LDB2: variants seen among roughly 807,000 people sequenced by gnomAD.
LDB2 encodes LIM domain-binding protein 2.
In LDB2, 12 loss-of-function variants were observed where a neutral mutation model predicts 44.3. That is an observed-to-expected ratio of 0.27 (90% CI 0.17 to 0.44). The LOEUF (loss-of-function observed/expected upper bound fraction) is 0.44, where lower values mean the gene tolerates loss of function less well. Ranked by LOEUF, LDB2 falls within the 20% of genes least tolerant of loss-of-function variation. The pLI is 1.00. For synonymous variants in LDB2, 164 were observed against 174.8 expected (o/e 0.94, Z 0.49); for missense variants, 344 against 473.5 (o/e 0.73, Z 2.54).
chr4:16,831,425 C>A (rs1053746705), intron 1 of LDB2, among the ~76,000 whole-genome samples: 8 of 152,014 alleles, frequency 5.3e-5, no homozygotes, highest in African/African-American at 1.9e-4. Context: ...ATGATCTGAC[C>A]TACATTTTCA....
chr4:16,747,693 T>A (rs1764670273), intron 2 of LDB2, among the ~76,000 whole-genome samples: 1 of 152,156 alleles, frequency 6.6e-6, no homozygotes, highest in East Asian at 1.9e-4. Context: ...AAAGCTTGAA[T>A]TAATTCTGAA....
chr4:16,588,313 A>G (rs1169370508), intron 4 of LDB2, among the ~76,000 whole-genome samples: 1 of 152,158 alleles, frequency 6.6e-6, no homozygotes, highest in Non-Finnish European at 1.5e-5. Flanking sequence ...AGATGGTTCT[A>G]ATCAAAACTG....
intron 1 of LDB2, among the ~76,000 whole-genome samples, chr4:16,875,372 A>G (rs1324465655): frequency 6.6e-6 from 1 of 152,234 alleles, no homozygotes; most frequent in Non-Finnish European, 1.5e-5. Flanking sequence ...GCTACTGGAT[A>G]AAAAGCAGAT....
chr4:16,742,268 C>T (rs1763447685), intron 2 of LDB2, among the ~76,000 whole-genome samples: 1 of 152,044 alleles, frequency 6.6e-6, no homozygotes, highest in South Asian at 2.1e-4. Context: ...GACGGGGCTT[C>T]ACCATGTTGG....
At chr4:16,667,251 G>C (rs1464672053) in intron 2 of LDB2, among the ~76,000 whole-genome samples, 4 of 152,176 alleles carry the variant, frequency 2.6e-5, no homozygotes, top group Admixed American at 6.5e-5. Context: ...TCACACCATG[G>C]GGTCTCTCAA....
At chr4:16,824,239 A>G (rs1310339751) in intron 1 of LDB2, among the ~76,000 whole-genome samples, 4 of 152,148 alleles carry the variant, frequency 2.6e-5, no homozygotes, top group Non-Finnish European at 5.9e-5. Context: ...GTGTGTGTGT[A>G]TGCACACAAA....
chr4:16,874,918 AG>A (rs2110375399), intron 1 of LDB2, among the ~76,000 whole-genome samples: 1 of 152,354 alleles, frequency 6.6e-6, no homozygotes, highest in South Asian at 2.1e-4. Context: ...GTTTTTAAAA[AG>A]CTCTTTCAAT....
chr4:16,543,897 GAACTT>G (rs1444650698), intron 5 of LDB2, among the ~76,000 whole-genome samples: 1 of 152,084 alleles, frequency 6.6e-6, no homozygotes, highest in Admixed American at 6.6e-5. Flanking sequence ...AATCTACAAA[GAACTT>G]AAACAAATTT....
intron 1 of LDB2, among the ~76,000 whole-genome samples, chr4:16,896,342 G>A (rs1231789440): frequency 2.6e-5 from 4 of 152,070 alleles, no homozygotes; most frequent in Non-Finnish European, 4.4e-5. Context: ...AGCATACTGC[G>A]AAAGGAGGTC....
At chr4:16,852,927 G>C (rs983158752) in intron 1 of LDB2, among the ~76,000 whole-genome samples, 2 of 152,094 alleles carry the variant, frequency 1.3e-5, no homozygotes, top group Non-Finnish European at 2.9e-5. Context: ...AAAAAAGAAA[G>C]ATCACTTTAA....
Position 16,700,794 on chromosome 4 carries a change from C to G in LDB2, c.235+58364G>C, listed in dbSNP as rs2152631725. On this transcript the variant is annotated intron_variant, in intron 2 of 7. Transcript: ENST00000304523. ...TCCTGGGCCAGTTTGAATACAAAAACAATTTAGGTAATGACTTCATAAAAA... is the reference window on the plus strand; with the variant it reads ...TCCTGGGCCAGTTTGAATACAAAAAGAATTTAGGTAATGACTTCATAAAAA... Among the ~76,000 whole-genome samples, 4 of 152,238 alleles carry G rather than the reference C, an allele frequency of 2.6e-5. No homozygotes were observed. The Middle Eastern group carries it at 0.01, about 388-fold the overall frequency.
At chr4:16,644,298 C>T (rs987230150) in intron 2 of LDB2, among the ~76,000 whole-genome samples, 9 of 152,204 alleles carry the variant, frequency 5.9e-5, no homozygotes, top group African/African-American at 1.9e-4. Context: ...AATATTTCAT[C>T]CCAAGCTCCA....
At chr4:16,803,140 G>A (rs147028223) in intron 1 of LDB2, among the ~76,000 whole-genome samples, 63 of 152,272 alleles carry the variant, frequency 4.1e-4, no homozygotes, top group African/African-American at 1.4e-3. Flanking sequence ...GCTTATTTGT[G>A]CATTGGGCGA....
intron 1 of LDB2, among the ~76,000 whole-genome samples, chr4:16,855,388 C>A (rs17759262): frequency 1.1e-4 from 17 of 151,866 alleles, no homozygotes; most frequent in African/African-American, 3.6e-4. Context: ...CCATCGAGTA[C>A]GTGAGTTTTT....
intron 4 of LDB2, 122 bp from the exon 5 acceptor site, chr4:16,586,127 AG>A (rs1716706297): frequency 2.9e-6 from 2 of 693,702 alleles, no homozygotes; most frequent in Admixed American, 4.8e-5. Flanking sequence ...TTTGGAGGGC[AG>A]GCTGCTGGAG....
intron 2 of LDB2, among the ~76,000 whole-genome samples, chr4:16,724,959 T>C (rs537048571): frequency 6.6e-6 from 1 of 152,208 alleles, no homozygotes; most frequent in South Asian, 2.1e-4. Flanking sequence ...TAAAAAATGA[T>C]TTGCAGATGG....
intron 5 of LDB2, among the ~76,000 whole-genome samples, chr4:16,514,077 G>T (rs1365457344): frequency 6.6e-6 from 1 of 152,078 alleles, no homozygotes; most frequent in African/African-American, 2.4e-5. Flanking sequence ...GCCTTGCTGC[G>T]TTTCCCTATT....
At chr4:16,766,173 C>T (rs1769159523) in intron 1 of LDB2, among the ~76,000 whole-genome samples, 1 of 151,976 alleles carries the variant, frequency 6.6e-6, no homozygotes. Context: ...CTCTCTCAGA[C>T]CTCCATAAAT....
chr4:16,723,435 T>C (rs927616244), intron 2 of LDB2, among the ~76,000 whole-genome samples: 1 of 151,964 alleles, frequency 6.6e-6, no homozygotes, highest in Non-Finnish European at 1.5e-5. Flanking sequence ...GATAACAGCA[T>C]TAATCCATTG....
Sources: gnomAD v4.1 joint callset for allele counts (sites outside exome capture counted in the v4.1 genomes callset) on GRCh38, gnomAD v4.1.1 for gene constraint, MANE v1.5 for transcripts, NCBI Gene and HGNC (gene_info 2026-07-23, HGNC 2026-07-21) for gene names.